The following ANXA6 variants were observed in gnomAD, a reference collection of about 807,000 sequenced individuals.
ANXA6 encodes the protein 67 kDa calelectrin.
Under a neutral mutation model 95.4 loss-of-function variants are expected in ANXA6, and 71 were observed. The observed-to-expected ratio is 0.74, with a 90% CI of 0.61 to 0.91. The LOEUF is 0.91. Among genes scored for constraint, ANXA6 ranks in the 40% least tolerant of loss-of-function variants. The pLI, the probability that ANXA6 is intolerant of heterozygous loss-of-function variation, is 0.00. For synonymous variants in ANXA6, 289 were observed against 315.9 expected (o/e 0.91, Z 0.90); for missense variants, 830 against 876.4 (o/e 0.95, Z 0.67).
intron 17 of ANXA6, among the ~76,000 whole-genome samples, chr5:151,120,416 C>CAAAAAAAAAAA (rs35091535): frequency 7.6e-6 from 1 of 132,004 alleles, no homozygotes; most frequent in Non-Finnish European, 1.6e-5. Context: ...GCTACAACTA[C>CAAAAAAAAAAA]AAAAAAAAAA....
At chr5:151,117,099 G>A in intron 20 of ANXA6, 28 bp downstream of exon 20, 1 of 1,562,510 alleles carries the variant, frequency 6.4e-7, no homozygotes, top group Non-Finnish European at 8.7e-7. Flanking sequence ...ACCCGGCAGA[G>A]GTGACTGGGG....
chr5:151,115,622 C>T (rs902374361), intron 20 of ANXA6, among the ~76,000 whole-genome samples: 1 of 152,196 alleles, frequency 6.6e-6, no homozygotes, highest in African/African-American at 2.4e-5. Flanking sequence ...AAACTCTCAG[C>T]AGCACACGAG....
intron 7 of ANXA6, among the ~76,000 whole-genome samples, chr5:151,135,884 A>G (rs780491223): frequency 2.6e-5 from 4 of 152,202 alleles, no homozygotes; most frequent in Non-Finnish European, 5.9e-5. Context: ...TAGCCTCCTA[A>G]TAGTCTCTTT....
intron 23 of ANXA6, 111 bp from the exon 24 acceptor site, chr5:151,105,414 G>T: frequency 2.2e-6 from 2 of 912,480 alleles, no homozygotes; most frequent in South Asian, 1.4e-5. Context: ...TGGGTCTGCA[G>T]ATCATTGTCA....
chr5:151,103,459 T>C (rs771181127), intron 25 of ANXA6, 111 bp downstream of exon 25: 3 of 1,059,150 alleles, frequency 2.8e-6, no homozygotes, highest in African/African-American at 1.6e-5. Flanking sequence ...ATCCTGGCTG[T>C]TCTAAGCGGT....
intron 23 of ANXA6, among the ~76,000 whole-genome samples, chr5:151,106,427 G>A (rs188809419): frequency 2.6e-5 from 4 of 152,222 alleles, no homozygotes; most frequent in Admixed American, 2.6e-4. Context: ...GGAACCCTGT[G>A]GAAAAGATCA....
In ANXA6 at chr5:151,109,881, G is replaced by A. The variant is rs11950870; in HGVS notation, c.1591-35C>T. 7.5e-4 allele frequency: 1,093 copies of A among 1,464,064 alleles called. 5 individuals are homozygous for A. The African/African-American group carries it at 0.011, about 15-fold the overall frequency. The allele number at this position is 1,464,064 out of a possible 1,614,324, so 90.7% of individuals were successfully genotyped here. A position where few individuals can be genotyped will look rare whatever the true frequency, so the allele number is the denominator to read the frequency against. The stretch of plus-strand genomic sequence containing the variant: ...CCCAGTTGGAGCAAGGATTTGGGAG[G>A]GGAGACATGAGAAAGCCTTGGTTAT... On this transcript the variant is annotated intron_variant, in intron 21 of 25. Coordinates refer to ENST00000354546, the MANE Select transcript of ANXA6 (RefSeq NM_001155.5).
intron 1 of ANXA6, among the ~76,000 whole-genome samples, chr5:151,156,322 G>A (rs949883887): frequency 6.6e-6 from 1 of 152,200 alleles, no homozygotes; most frequent in Admixed American, 6.5e-5. Context: ...AAGCCTTAGA[G>A]AAAGGGCTTG....
rs938250139 is a variant in ANXA6 at position 151,108,575 on chromosome 5, G to A, written c.1685-25C>T. The stretch of plus-strand genomic sequence containing the variant: ...ACTGGCCACAAGAGAAGCCCCAGAG[G>A]TGGGGGTGAGCTTCAGTGCAGGAGG... On this transcript the variant is annotated intron_variant, in intron 22 of 25. Coordinates refer to ENST00000354546, the MANE Select transcript of ANXA6 (RefSeq NM_001155.5). The A allele has an allele frequency of 5.6e-6, 9 of 1,605,024 alleles. No individual in the cohort carries two copies. In the African/African-American group the frequency reaches 1.2e-4, roughly 21 times the overall value.
chr5:151,124,148 G>T, intron 15 of ANXA6, 138 bp downstream of exon 15: 1 of 741,790 alleles, frequency 1.3e-6, no homozygotes, highest in Non-Finnish European at 2.3e-6. Context: ...AGCTAGGAGG[G>T]TGGAAACTTG....
At chr5:151,138,943 C>G (rs1765747073) in intron 4 of ANXA6, 152 bp from the exon 5 acceptor site, 4 of 636,198 alleles carry the variant, frequency 6.3e-6, no homozygotes, top group Non-Finnish European at 1.1e-5. Context: ...CTGTTACCAA[C>G]CCTAAGAGAC....
Position 151,100,710 on chromosome 5 carries a change from T to A in ANXA6, c.*738A>T. The A allele has an allele frequency of 2.7e-6, 1 of 369,018 alleles. No homozygotes were observed. Among genetic ancestry groups the A allele is most frequent in the East Asian group, 7.3e-5 (1 of 13,704 alleles). The allele number at this position is 369,018 out of a possible 1,614,324, so 22.9% of individuals were successfully genotyped here. A position where few individuals can be genotyped will look rare whatever the true frequency, so the allele number is the denominator to read the frequency against. On this transcript the variant is annotated 3_prime_UTR_variant, in exon 26 of 26. Coordinates refer to ENST00000354546, the MANE Select transcript of ANXA6 (RefSeq NM_001155.5). ...GACAGAGGCCCTCACTGGAAATGTG[T>A]TTATGTGTTTGTGTATCTCTTTTTA...
chr5:151,110,479 A>G lies in ANXA6; in HGVS notation c.1590+148T>C, dbSNP rs1764818783. 11 of 836,152 alleles carry G rather than the reference A, an allele frequency of 1.3e-5. No homozygotes were observed. In the South Asian group the frequency reaches 1.9e-4, roughly 14 times the overall value. The allele number at this position is 836,152 out of a possible 1,614,324, so 51.8% of individuals were successfully genotyped here. ...AGTTTGGGAAACACTTGCCTGGCCT[A>G]TCTTTTACCAAGCAGGGCCCGGAAG... On this transcript the variant is annotated intron_variant, in intron 21 of 25. Coordinates refer to ENST00000354546, the MANE Select transcript of ANXA6 (RefSeq NM_001155.5).
At position 151,117,162 on chromosome 5, in the gene ANXA6, CT is replaced by C; in HGVS notation, c.1536del (p.Gly513GlufsTer20). The C allele has an allele frequency of 6.3e-7, 1 of 1,593,898 alleles. No individual in the cohort carries two copies. The highest frequency in any genetic ancestry group is 8.6e-7 in the Non-Finnish European group (1 of 1,168,598). ...TCCCGTGCCTGGTCCAGGTTTTCTC[CT>C]CCCTCCTCACGATGCCCCTGCAGCA... is the stretch of plus-strand genomic sequence containing the variant. ...ISLATGHREE[G>X]GENLDQARED... On this transcript the variant is annotated frameshift_variant, in exon 20 of 26. Coordinates refer to ENST00000354546, the MANE Select transcript of ANXA6 (RefSeq NM_001155.5). LOFTEE classifies it high-confidence loss of function.
rs907956506 is a variant in ANXA6 at position 151,100,804 on chromosome 5, A to G, written c.*644T>C. The G allele has an allele frequency of 3.6e-5, 16 of 448,952 alleles. No homozygotes were observed. Among genetic ancestry groups the G allele is most frequent in the Admixed American group, 2.1e-4 (9 of 42,018 alleles). The allele number at this position is 448,952 out of a possible 1,614,324, so 27.8% of individuals were successfully genotyped here. ...GCATACTTTAGGAAGTTAATGTTAG[A>G]AGGGAAGCCAAGATTTTTTTGTCCA... On this transcript the variant is annotated 3_prime_UTR_variant, in exon 26 of 26. Transcript: ENST00000354546.
chr5:151,140,065 CAG>C (rs1765783319), intron 3 of ANXA6, 86 bp downstream of exon 3: 1 of 1,147,030 alleles, frequency 8.7e-7, no homozygotes, highest in Non-Finnish European at 1.2e-6. Context: ...CACCATTTCA[CAG>C]ACCCTACCAC....
At chr5:151,123,502 G>A (rs1765227887) in intron 15 of ANXA6, among the ~76,000 whole-genome samples, 1 of 152,204 alleles carries the variant, frequency 6.6e-6, no homozygotes, top group Non-Finnish European at 1.5e-5. Context: ...ACTCTGGAAG[G>A]CATTAGAATA....
intron 1 of ANXA6, among the ~76,000 whole-genome samples, chr5:151,150,759 G>A (rs551594462): frequency 2.1e-4 from 32 of 152,278 alleles, no homozygotes; most frequent in African/African-American, 7.2e-4. Flanking sequence ...CATCTACCCC[G>A]GGATGAGGCT....
intron 22 of ANXA6, among the ~76,000 whole-genome samples, chr5:151,109,177 T>C (rs1464399090): frequency 6.6e-6 from 1 of 152,178 alleles, no homozygotes; most frequent in Non-Finnish European, 1.5e-5. Context: ...TCCATTCTTT[T>C]AGCCACTATG....
Sources: gnomAD v4.1 joint callset for allele counts (sites outside exome capture counted in the v4.1 genomes callset) on GRCh38, gnomAD v4.1.1 for gene constraint, MANE v1.5 for transcripts, NCBI Gene and HGNC (gene_info 2026-07-23, HGNC 2026-07-21) for gene names.